The following EPB41L4B variants were observed in gnomAD, a reference collection of about 807,000 sequenced individuals.
EPB41L4B encodes the protein band 4.1-like protein 4B.
Under a neutral mutation model 112.5 loss-of-function variants are expected in EPB41L4B, and 30 were observed. That is an observed-to-expected ratio of 0.27 (90% confidence interval 0.20 to 0.36). EPB41L4B has a LOEUF of 0.36. Among genes scored for constraint, EPB41L4B ranks in the 10% least tolerant of loss-of-function variants. EPB41L4B has a pLI of 1.00. For missense variants in EPB41L4B, 1,024 were observed against 1,133.3 expected (o/e 0.90, Z 1.38); for synonymous variants, 408 against 439.7 (o/e 0.93, Z 0.90).
At chr9:109,187,924 T>G (rs1235235320) in intron 22 of EPB41L4B, among the ~76,000 whole-genome samples, 1 of 152,200 alleles carries the variant, frequency 6.6e-6, no homozygotes, top group Non-Finnish European at 1.5e-5. Context: ...AAGAACATCC[T>G]GGGGCTCCCA....
intron 1 of EPB41L4B, among the ~76,000 whole-genome samples, chr9:109,299,606 T>C (rs1364356975): frequency 6.6e-6 from 1 of 152,156 alleles, no homozygotes; most frequent in Non-Finnish European, 1.5e-5. Context: ...TTTGTTTTTT[T>C]AATTGAAGCA....
chr9:109,179,106 C>T (rs765259581), intron 24 of EPB41L4B, among the ~76,000 whole-genome samples: 7 of 152,162 alleles, frequency 4.6e-5, no homozygotes, highest in Non-Finnish European at 1.0e-4. Context: ...GCATGTAGAG[C>T]AGAAATCTGG....
At chr9:109,252,943 G>A (rs1407202688) in intron 12 of EPB41L4B, among the ~76,000 whole-genome samples, 1 of 152,104 alleles carries the variant, frequency 6.6e-6, no homozygotes, top group East Asian at 1.9e-4. Flanking sequence ...GGGGAAGGGG[G>A]CAGGCATTCT....
intron 15 of EPB41L4B, chr9:109,240,821 C>T (rs1298941799): frequency 1.1e-5 from 11 of 985,306 alleles, no homozygotes; most frequent in Non-Finnish European, 1.3e-5. Context: ...TGTGTATTCA[C>T]AATTATGTCT....
intron 1 of EPB41L4B, among the ~76,000 whole-genome samples, chr9:109,303,081 T>TA (rs541291343): frequency 0.025 from 2,188 of 88,540 alleles, 25 homozygotes; most frequent in Middle Eastern, 0.043. Flanking sequence ...ACCCCATCTC[T>TA]AAAAAAAAAA....
At chr9:109,309,201 CAT>C (rs1837326895) in intron 1 of EPB41L4B, among the ~76,000 whole-genome samples, 1 of 152,060 alleles carries the variant, frequency 6.6e-6, no homozygotes. Context: ...ACTTAGGGTC[CAT>C]ATATAGTTCT....
At chr9:109,269,366 A>G (rs1004575118) in intron 2 of EPB41L4B, among the ~76,000 whole-genome samples, 2 of 152,198 alleles carry the variant, frequency 1.3e-5, no homozygotes, top group African/African-American at 4.8e-5. Flanking sequence ...GGAGATTACA[A>G]AATCATCTGC....
intron 1 of EPB41L4B, among the ~76,000 whole-genome samples, chr9:109,302,993 A>C (rs886370569): frequency 6.6e-6 from 1 of 151,812 alleles, no homozygotes; most frequent in Non-Finnish European, 1.5e-5. Flanking sequence ...AGGTGGGAGG[A>C]TCACTCAAGC....
intron 11 of EPB41L4B, 65 bp downstream of exon 11, chr9:109,255,446 A>G: frequency 6.3e-7 from 1 of 1,583,936 alleles, no homozygotes; most frequent in Admixed American, 1.7e-5. Context: ...ATTCGCATAC[A>G]AGAAAGAAAT....
At chr9:109,292,571 C>G (rs1836572399) in intron 1 of EPB41L4B, among the ~76,000 whole-genome samples, 1 of 152,196 alleles carries the variant, frequency 6.6e-6, no homozygotes, top group Admixed American at 6.5e-5. Context: ...GCAGGTGCCT[C>G]CCATCCCAGT....
At chr9:109,277,391 C>T (rs1363085812) in intron 2 of EPB41L4B, among the ~76,000 whole-genome samples, 8 of 150,002 alleles carry the variant, frequency 5.3e-5, no homozygotes, top group South Asian at 2.1e-4. Context: ...TTTAGCTGAA[C>T]GACCTCGGTC....
intron 2 of EPB41L4B, among the ~76,000 whole-genome samples, chr9:109,278,325 G>T (rs1835913366): frequency 6.6e-6 from 1 of 152,132 alleles, no homozygotes; most frequent in Non-Finnish European, 1.5e-5. Flanking sequence ...AGAGGAAGTG[G>T]CTGAGGTTGA....
chr9:109,293,765 G>C (rs1046628571), intron 1 of EPB41L4B, among the ~76,000 whole-genome samples: 7 of 151,252 alleles, frequency 4.6e-5, no homozygotes, highest in South Asian at 2.1e-4. Flanking sequence ...CTCTGTTTAG[G>C]AGAAAGATGT....
chr9:109,244,182 G>A (rs1478992209), intron 14 of EPB41L4B, among the ~76,000 whole-genome samples: 1 of 152,128 alleles, frequency 6.6e-6, no homozygotes, highest in Non-Finnish European at 1.5e-5. Flanking sequence ...CGTGGGTGAA[G>A]GTTTTTTCTT....
intron 1 of EPB41L4B, among the ~76,000 whole-genome samples, chr9:109,305,189 G>C (rs10979815): frequency 0.92 from 135,607 of 147,958 alleles, 62,262 homozygotes; most frequent in Middle Eastern, 0.98. Flanking sequence ...TGGGAGAAGT[G>C]GAAGAAGCGC....
At chr9:109,204,448 A>G (rs1039488414) in intron 18 of EPB41L4B, among the ~76,000 whole-genome samples, 1 of 152,232 alleles carries the variant, frequency 6.6e-6, no homozygotes, top group African/African-American at 2.4e-5. Context: ...GCCCACATAT[A>G]GATCCAGTCT....
chr9:109,226,757 T>TATATATATGA (rs1564279258), intron 15 of EPB41L4B, among the ~76,000 whole-genome samples: 11 of 37,594 alleles, frequency 2.9e-4, no homozygotes, highest in African/African-American at 9.8e-4. Flanking sequence ...ATATGAAGAA[T>TATATATATGA]ATATATATAT....
chr9:109,204,631 A>G (rs1350730093), intron 18 of EPB41L4B, among the ~76,000 whole-genome samples: 1 of 152,172 alleles, frequency 6.6e-6, no homozygotes, highest in Non-Finnish European at 1.5e-5. Context: ...AGCTGGGACT[A>G]CAGGCTCAAA....
chr9:109,217,200 CT>C, intron 15 of EPB41L4B, 55 bp from the exon 16 acceptor site: 4 of 1,540,210 alleles, frequency 2.6e-6, no homozygotes, highest in Non-Finnish European at 2.7e-6. Flanking sequence ...TGCAAGCCCT[CT>C]GTGTACTTTC....
Sources: gnomAD v4.1 joint callset for allele counts (sites outside exome capture counted in the v4.1 genomes callset) on GRCh38, gnomAD v4.1.1 for gene constraint, MANE v1.5 for transcripts, NCBI Gene and HGNC (gene_info 2026-07-23, HGNC 2026-07-21) for gene names.